Variants in HACE1 observed in about 807,000 individuals in gnomAD.
The protein encoded by HACE1 is HECT domain and ankyrin repeat containing E3 ubiquitin protein ligase 1.
In HACE1, 73 loss-of-function variants were observed where a neutral mutation model predicts 118.4. The ratio of observed to expected loss-of-function variants is 0.62; its 90% confidence interval spans 0.51 to 0.75. The LOEUF (loss-of-function observed/expected upper bound fraction) is 0.75, where lower values mean the gene tolerates loss of function less well. Ranked by LOEUF, HACE1 falls within the 30% of genes least tolerant of loss-of-function variation. The pLI is 0.00. For missense variants in HACE1, 749 were observed against 1,102.2 expected, an observed-to-expected ratio of 0.68 and a Z score of 4.54; for synonymous variants, 368 against 374.8, an observed-to-expected ratio of 0.98 and a Z score of 0.21.
intron 11 of HACE1, chr6:104,786,888 T>C (rs1782476017): frequency 6.6e-6 from 1 of 152,198 alleles, no homozygotes; most frequent in Admixed American, 6.5e-5. Flanking sequence ...AGAAATAATC[T>C]TTCTTTTAAA....
intron 4 of HACE1, among the ~76,000 whole-genome samples, 175 bp from the exon 5 acceptor site, chr6:104,843,473 C>T (rs751364562): frequency 6.6e-6 from 1 of 152,160 alleles, no homozygotes; most frequent in African/African-American, 2.4e-5. Flanking sequence ...ACGCAAGATA[C>T]AAAACTGCTT....
intron 19 of HACE1, among the ~76,000 whole-genome samples, chr6:104,752,099 T>G (rs891083333): frequency 1.3e-4 from 20 of 152,188 alleles, no homozygotes; most frequent in African/African-American, 4.8e-4. Flanking sequence ...CGAAACCCTG[T>G]GTGGCTCCTT....
At chr6:104,789,559 C>T (rs1025899388) in intron 11 of HACE1, among the ~76,000 whole-genome samples, 3 of 152,038 alleles carry the variant, frequency 2.0e-5, no homozygotes, top group Non-Finnish European at 4.4e-5. Context: ...TCTATTATGT[C>T]TGTATTGACT....
intron 22 of HACE1, among the ~76,000 whole-genome samples, chr6:104,739,274 C>T (rs1191317085): frequency 4.6e-5 from 7 of 152,048 alleles, no homozygotes; most frequent in Admixed American, 6.6e-5. Context: ...AACAAAATAA[C>T]CAGCTAACAT....
intron 19 of HACE1, among the ~76,000 whole-genome samples, chr6:104,757,019 A>G (rs1332743776): frequency 6.6e-6 from 1 of 152,128 alleles, no homozygotes; most frequent in Non-Finnish European, 1.5e-5. Flanking sequence ...CTGAGGCTTG[A>G]GTAGGAGGTT....
intron 20 of HACE1, among the ~76,000 whole-genome samples, 170 bp downstream of exon 20, chr6:104,750,171 G>A (rs1277696543): frequency 2.0e-5 from 3 of 152,098 alleles, no homozygotes; most frequent in Non-Finnish European, 2.9e-5. Context: ...AAGCTTAAGA[G>A]ATGCTCATCC....
chr6:104,857,810 A>G lies in HACE1; in HGVS notation c.76+1757T>C, dbSNP rs568465757. ...GTCTCTACTAAAAATACAAAAAATTAGCCGGGCCTGGTGGCAGGGGCCTGT... is the reference window on the plus strand; with the variant it reads ...GTCTCTACTAAAAATACAAAAAATTGGCCGGGCCTGGTGGCAGGGGCCTGT... On this transcript the variant is annotated intron_variant, in intron 1 of 23. Transcript: ENST00000262903. 2.2e-4 allele frequency among the ~76,000 whole-genome samples: 33 copies of G among 152,246 alleles called. 2 individuals carry two copies. The South Asian group carries it at 6.4e-3, about 30-fold the overall frequency.
chr6:104,829,870 T>C (rs1018763561), intron 6 of HACE1, among the ~76,000 whole-genome samples: 8 of 152,192 alleles, frequency 5.3e-5, no homozygotes, highest in Non-Finnish European at 2.9e-5. Flanking sequence ...TCCATTATTT[T>C]ACCACACTTG....
intron 19 of HACE1, among the ~76,000 whole-genome samples, chr6:104,761,600 A>G (rs1779362636): frequency 6.6e-6 from 1 of 152,230 alleles, no homozygotes; most frequent in Admixed American, 6.5e-5. Flanking sequence ...AAATCCTGCA[A>G]GAAAACCTGG....
intron 6 of HACE1, 93 bp from the exon 7 acceptor site, chr6:104,811,486 C>T: frequency 1.5e-6 from 1 of 664,890 alleles, no homozygotes; most frequent in South Asian, 1.4e-5. Context: ...GAAGTTCTTC[C>T]CACAACTTGA....
At chr6:104,781,895 C>T (rs1381948604) in intron 14 of HACE1, among the ~76,000 whole-genome samples, 1 of 152,192 alleles carries the variant, frequency 6.6e-6, no homozygotes, top group East Asian at 1.9e-4. Flanking sequence ...AAACACCTCC[C>T]TCTCTGGGTC....
intron 7 of HACE1, among the ~76,000 whole-genome samples, chr6:104,801,533 C>T (rs1770350424): frequency 2.6e-5 from 4 of 152,334 alleles, no homozygotes; most frequent in South Asian, 4.2e-4. Flanking sequence ...AGAAACTCTA[C>T]AAGCCAGAAG....
At chr6:104,791,140 A>G (rs1380518541) in intron 11 of HACE1, among the ~76,000 whole-genome samples, 1 of 152,222 alleles carries the variant, frequency 6.6e-6, no homozygotes, top group East Asian at 1.9e-4. Flanking sequence ...AATCTAAATA[A>G]AAACTGTGCA....
At chr6:104,852,719 T>C (rs1439622022) in intron 1 of HACE1, among the ~76,000 whole-genome samples, 4 of 152,232 alleles carry the variant, frequency 2.6e-5, no homozygotes, top group African/African-American at 9.6e-5. Context: ...AAAACCTTTC[T>C]GTAGCTTTAA....
intron 1 of HACE1, chr6:104,859,304 C>T (rs1777064154): frequency 6.6e-6 from 3 of 454,818 alleles, no homozygotes; most frequent in Middle Eastern, 3.4e-4. Flanking sequence ...AATCGACAGA[C>T]GTTGCGAGAC....
At position 104,838,798 on chromosome 6, in the gene HACE1, C is replaced by G. The variant is rs541069713; in HGVS notation, c.402+4425G>C. Reference sequence around the variant, plus strand: ...GGAAAAAATCAACAAAGTAAAGAAACAACCCATAGAATGGGAGAAAATAAC... The same window carrying G: ...GGAAAAAATCAACAAAGTAAAGAAAGAACCCATAGAATGGGAGAAAATAAC... On this transcript the variant is annotated intron_variant, in intron 5 of 23. Transcript: ENST00000262903. Among the ~76,000 whole-genome samples, 4 of 140,308 alleles carry G rather than the reference C, an allele frequency of 2.9e-5. No individual in the cohort carries two copies. The South Asian group carries it at 9.4e-4, about 33-fold the overall frequency. 92.0% of individuals were successfully genotyped at this position (140,308 alleles called of 152,430 possible).
chr6:104,791,721 A>C (rs1783048388), intron 10 of HACE1, 67 bp from the exon 11 acceptor site: 1 of 1,043,978 alleles, frequency 9.6e-7, no homozygotes, highest in Non-Finnish European at 1.5e-6. Flanking sequence ...CTTATTTTAA[A>C]ACATTTTCAT....
chr6:104,756,315 G>A (rs1286177347), intron 19 of HACE1, among the ~76,000 whole-genome samples: 3 of 151,212 alleles, frequency 2.0e-5, no homozygotes, highest in Admixed American at 6.6e-5. Flanking sequence ...AGGAGGCTGA[G>A]GCAGGAGAAT....
intron 19 of HACE1, among the ~76,000 whole-genome samples, chr6:104,755,776 A>C (rs1471487441): frequency 3.3e-5 from 5 of 152,190 alleles, no homozygotes; most frequent in Non-Finnish European, 5.9e-5. Context: ...GATGCAGCTA[A>C]AGCAGTGTTA....
Sources: allele counts gnomAD v4.1 joint callset (sites outside exome capture counted in the v4.1 genomes callset), GRCh38; gene constraint gnomAD v4.1.1; transcripts MANE v1.5; gene names NCBI Gene and HGNC (gene_info 2026-07-23, HGNC 2026-07-21).